Variants in CDH18 observed in about 807,000 individuals in gnomAD.
CDH18 encodes the protein cadherin-18.
Under a neutral mutation model 67.9 loss-of-function variants are expected in CDH18, and 31 were observed. The ratio of observed to expected loss-of-function variants is 0.46; its 90% CI spans 0.34 to 0.62. The LOEUF (loss-of-function observed/expected upper bound fraction) is 0.62. Among genes scored for constraint, CDH18 ranks in the 20% least tolerant of loss-of-function variants. CDH18 has a pLI of 0.01. For missense variants in CDH18, 890 were observed against 975.5 expected (o/e 0.91, Z 1.17); for synonymous variants, 362 against 347.2 (o/e 1.04, Z -0.48).
chr5:19,884,718 C>G (rs1448888699), intron 2 of CDH18, among the ~76,000 whole-genome samples: 1 of 151,828 alleles, frequency 6.6e-6, no homozygotes, highest in African/African-American at 2.4e-5. Context: ...TGGTGTGAAT[C>G]ATCTTTTATG....
intron 2 of CDH18, among the ~76,000 whole-genome samples, chr5:19,862,347 C>T (rs1784994774): frequency 2.0e-5 from 3 of 152,098 alleles, no homozygotes; most frequent in Admixed American, 6.6e-5. Context: ...CAAAAACACA[C>T]CTTTGTGTCT....
At chr5:19,910,321 G>A (rs1190180763) in intron 2 of CDH18, among the ~76,000 whole-genome samples, 2 of 152,112 alleles carry the variant, frequency 1.3e-5, no homozygotes, top group African/African-American at 2.4e-5. Context: ...AAGCCACTCT[G>A]TACAGGTTTA....
chr5:19,977,268 G>A (rs1798588478), intron 2 of CDH18, among the ~76,000 whole-genome samples: 1 of 152,160 alleles, frequency 6.6e-6, no homozygotes, highest in African/African-American at 2.4e-5. Context: ...CAGGGTCTTT[G>A]GAAGCAGATC....
chr5:20,316,277 C>T (rs1737451563), intron 1 of CDH18, among the ~76,000 whole-genome samples: 2 of 151,852 alleles, frequency 1.3e-5, no homozygotes, highest in South Asian at 2.1e-4. Flanking sequence ...ATGACATTAT[C>T]GATGTGGAAA....
At chr5:20,207,840 A>G (rs1740033326) in intron 2 of CDH18, among the ~76,000 whole-genome samples, 1 of 152,132 alleles carries the variant, frequency 6.6e-6, no homozygotes, top group Non-Finnish European at 1.5e-5. Context: ...TATAACTACA[A>G]AGACCCTGAA....
chr5:20,195,554 CATAG>C (rs1052680736), intron 2 of CDH18, among the ~76,000 whole-genome samples: 1 of 151,856 alleles, frequency 6.6e-6, no homozygotes, highest in African/African-American at 2.4e-5. Flanking sequence ...TATTTTACTG[CATAG>C]ATAAATTCAT....
intron 2 of CDH18, among the ~76,000 whole-genome samples, chr5:19,942,211 A>G (rs1256548741): frequency 6.6e-6 from 1 of 152,074 alleles, no homozygotes; most frequent in East Asian, 1.9e-4. Context: ...GGATACAGAC[A>G]CCCTTTTGGA....
intron 1 of CDH18, among the ~76,000 whole-genome samples, chr5:20,537,562 G>A (rs1756800096): frequency 6.6e-6 from 1 of 151,962 alleles, no homozygotes; most frequent in South Asian, 2.1e-4. Flanking sequence ...TAAAAGGTGA[G>A]GGCAATAGAA....
At chr5:19,607,147 G>C (rs1241467924) in intron 6 of CDH18, among the ~76,000 whole-genome samples, 3 of 151,560 alleles carry the variant, frequency 2.0e-5, no homozygotes, top group African/African-American at 2.4e-5. Context: ...GCAGTTTTCT[G>C]TCACTAAAAA....
At chr5:19,601,939 A>G (rs1351512338) in intron 6 of CDH18, among the ~76,000 whole-genome samples, 2 of 152,140 alleles carry the variant, frequency 1.3e-5, no homozygotes, top group African/African-American at 4.8e-5. Context: ...ACTATAAATA[A>G]AAGAAACTTC....
intron 2 of CDH18, among the ~76,000 whole-genome samples, chr5:19,855,259 G>A (rs900208631): frequency 1.3e-5 from 2 of 151,836 alleles, no homozygotes; most frequent in Non-Finnish European, 2.9e-5. Context: ...ATCACCTTTC[G>A]GGTACCAATG....
In CDH18 at chr5:19,565,355, A is replaced by T. The variant is rs1211549192; in HGVS notation, c.1253+6224T>A. Among the ~76,000 whole-genome samples, 6 of 152,190 alleles carry T rather than the reference A, an allele frequency of 3.9e-5. No individual in the cohort carries two copies. The South Asian group carries it at 6.2e-4, about 16-fold the overall frequency. On this transcript the variant is annotated intron_variant, in intron 8 of 12. Transcript: ENST00000382275. Reference sequence around the variant, plus strand: ...CAGGCAGATCAACATGGACAGAGAAACTCCATTTGTTTAGGGGAATGTAAG... The same window carrying T: ...CAGGCAGATCAACATGGACAGAGAATCTCCATTTGTTTAGGGGAATGTAAG...
chr5:20,395,901 T>C (rs1369522579), intron 1 of CDH18, among the ~76,000 whole-genome samples: 1 of 152,092 alleles, frequency 6.6e-6, no homozygotes, highest in Admixed American at 6.6e-5. Context: ...ATGTGGAGGC[T>C]CCTGGAGAGT....
chr5:19,764,645 A>G (rs547111679), intron 3 of CDH18, among the ~76,000 whole-genome samples: 136 of 150,964 alleles, frequency 9.0e-4, no homozygotes, highest in East Asian at 2.7e-3. Flanking sequence ...ATATATATAT[A>G]TATACACACA....
chr5:20,529,968 A>G (rs1022375040), intron 1 of CDH18, among the ~76,000 whole-genome samples: 1 of 152,048 alleles, frequency 6.6e-6, no homozygotes, highest in Non-Finnish European at 1.5e-5. Context: ...TGCAGATGAC[A>G]TGATCCTCTA....
At chr5:19,584,567 A>G (rs1037742703) in intron 7 of CDH18, among the ~76,000 whole-genome samples, 1 of 152,120 alleles carries the variant, frequency 6.6e-6, no homozygotes, top group Non-Finnish European at 1.5e-5. Flanking sequence ...TAACTCTGAG[A>G]TTGATAATCC....
At chr5:20,329,994 A>G (rs1284610244) in intron 1 of CDH18, among the ~76,000 whole-genome samples, 1 of 152,058 alleles carries the variant, frequency 6.6e-6, no homozygotes, top group East Asian at 1.9e-4. Context: ...TTTAGGAAAA[A>G]TAAAATTCAG....
At chr5:19,619,081 T>C (rs1750297330) in intron 5 of CDH18, among the ~76,000 whole-genome samples, 1 of 152,160 alleles carries the variant, frequency 6.6e-6, no homozygotes, top group African/African-American at 2.4e-5. Flanking sequence ...AACGATTTTA[T>C]GAAGATAATG....
At chr5:19,489,396 CG>C (rs1422548338) in intron 11 of CDH18, among the ~76,000 whole-genome samples, 2 of 151,534 alleles carry the variant, frequency 1.3e-5, no homozygotes, top group Admixed American at 1.3e-4. Flanking sequence ...TACAGGCGCC[CG>C]CCACCACACC....
Sources: gnomAD v4.1 joint callset for allele counts (sites outside exome capture counted in the v4.1 genomes callset) on GRCh38, gnomAD v4.1.1 for gene constraint, MANE v1.5 for transcripts, NCBI Gene and HGNC (gene_info 2026-07-23, HGNC 2026-07-21) for gene names.